The following P3H2 variants were observed in gnomAD, a reference collection of about 807,000 sequenced individuals.
P3H2 encodes the protein prolyl 3-hydroxylase 2.
Under a neutral mutation model 87.0 loss-of-function variants are expected in P3H2, and 80 were observed. That is an observed-to-expected ratio of 0.92 (90% CI 0.77 to 1.11). The LOEUF is 1.11. Among genes scored for constraint, P3H2 ranks in the 50% least tolerant of loss-of-function variants. The pLI is 0.00. For synonymous variants in P3H2, 367 were observed against 359.3 expected, an observed-to-expected ratio of 1.02 and a Z score of -0.24; for missense variants, 1,001 against 923.9, an observed-to-expected ratio of 1.08 and a Z score of -1.08.
intron 1 of P3H2, among the ~76,000 whole-genome samples, chr3:190,014,063 T>G (rs1199680899): frequency 1.3e-5 from 2 of 152,156 alleles, no homozygotes; most frequent in Non-Finnish European, 2.9e-5. Context: ...AATAGTTGAT[T>G]TATGAGAAGT....
In P3H2 at chr3:190,021,515, A is replaced by T. The variant is rs936348032; in HGVS notation, c.481-26073T>A. Among the ~76,000 whole-genome samples, 4 of 134,888 alleles carry T rather than the reference A, an allele frequency of 3.0e-5. 1 individual carries two copies. The highest frequency in any genetic ancestry group is 7.7e-5 in the African/African-American group (3 of 39,090). 88.5% of individuals were successfully genotyped at this position (134,888 alleles called of 152,430 possible). ...TTTTTCTTTTATAATTTCCTTTTTT[A>T]AAAAAGTAACTTTCTCTTCTCTCCA... On this transcript the variant is annotated intron_variant, in intron 1 of 14. Coordinates refer to ENST00000319332, the MANE Select transcript of P3H2 (RefSeq NM_018192.4).
chr3:189,994,160 C>T lies in P3H2; in HGVS notation c.757G>A (p.Gly253Arg). The stretch of plus-strand genomic sequence containing the variant: ...TCATATTCTTCAAATCTCTGAGGCC[C>T]CTCACATAGGGTCCGGCATTCTGTA... The part of the protein sequence containing the change: ...EDTECRTLCE[G>R]PQRFEEYEYL... The change falls in exon 3 of 15, where the codon GGG (glycine) becomes AGG (arginine). Residue 253 changes from glycine (G) to arginine (R), a missense_variant. Coordinates refer to ENST00000319332, the MANE Select transcript of P3H2 (RefSeq NM_018192.4). 2 of 1,613,744 alleles carry T rather than the reference C, an allele frequency of 1.2e-6. No individual in the cohort carries two copies. Among genetic ancestry groups the T allele is most frequent in the Non-Finnish European group, 1.7e-6 (2 of 1,179,828 alleles).
intron 1 of P3H2, among the ~76,000 whole-genome samples, chr3:190,030,982 A>G: frequency 6.6e-6 from 1 of 152,206 alleles, no homozygotes; most frequent in East Asian, 1.9e-4. Context: ...TATAATTCGT[A>G]GTGAATGCTT....
Position 189,987,477 on chromosome 3 carries a change from C to G in P3H2, c.1098+50G>C, listed in dbSNP as rs763117822. The G allele has an allele frequency of 7.5e-6, 10 of 1,329,566 alleles. No homozygotes were observed. The South Asian group carries it at 1.3e-4, about 17-fold the overall frequency. 82.4% of individuals were successfully genotyped at this position (1,329,566 alleles called of 1,614,324 possible). A position where few individuals can be genotyped will look rare whatever the true frequency, so the allele number is the denominator to read the frequency against. On this transcript the variant is annotated intron_variant, in intron 5 of 14. Coordinates refer to ENST00000319332, the MANE Select transcript of P3H2 (RefSeq NM_018192.4). ...CTGGGCAACAAGAGCGAAACTCTGT[C>G]TTAAAAAAAAAAAAAAAAAAAGAAT... is the stretch of plus-strand genomic sequence containing the variant.
chr3:190,019,046 AAT>A (rs1724854717), intron 1 of P3H2, among the ~76,000 whole-genome samples: 1 of 152,194 alleles, frequency 6.6e-6, no homozygotes, highest in African/African-American at 2.4e-5. Context: ...AACACATATG[AAT>A]ATGTTTTGAC....
intron 10 of P3H2, among the ~76,000 whole-genome samples, chr3:189,973,511 C>CTTTTTTTTTTTTTTTTTTTTTTTTTTTTT (rs869099221): frequency 2.8e-5 from 1 of 35,462 alleles, no homozygotes; most frequent in African/African-American, 9.7e-5. Flanking sequence ...TTCTTTCTTT[C>CTTTTTTTTTTTTTTTTTTTTTTTTTTTTT]TTTTTTTTTT....
intron 8 of P3H2, among the ~76,000 whole-genome samples, chr3:189,977,896 C>T (rs533819990): frequency 1.3e-5 from 2 of 152,274 alleles, no homozygotes; most frequent in Admixed American, 6.5e-5. Flanking sequence ...AGGCATGAGC[C>T]ACCACGCCCA....
chr3:190,090,844 T>C lies in P3H2; in HGVS notation c.480+29408A>G, dbSNP rs188490067. Among the ~76,000 whole-genome samples, 678 of 152,130 alleles carry C rather than the reference T, an allele frequency of 4.5e-3. 3 individuals carry two copies. Among genetic ancestry groups the C allele is most frequent in the Non-Finnish European group, 7.9e-3 (540 of 67,990 alleles). On this transcript the variant is annotated intron_variant, in intron 1 of 14. Coordinates refer to ENST00000319332, the MANE Select transcript of P3H2 (RefSeq NM_018192.4). The stretch of plus-strand genomic sequence containing the variant: ...GGAGAGCCCCACCCCATTTCCTCTG[T>C]GTGGAATGTTTTACTCCTTTGCAAG...
At chr3:189,966,940 C>T (rs1309892301) in intron 13 of P3H2, among the ~76,000 whole-genome samples, 3 of 152,194 alleles carry the variant, frequency 2.0e-5, no homozygotes, top group East Asian at 1.9e-4. Flanking sequence ...TACACAACTT[C>T]CAGATTTTTC....
chr3:190,095,893 C>T (rs942140194), intron 1 of P3H2, among the ~76,000 whole-genome samples: 6 of 152,030 alleles, frequency 3.9e-5, no homozygotes, highest in Admixed American at 6.6e-5. Flanking sequence ...TGAGCCACCG[C>T]GCCCGGCCAA....
chr3:190,065,825 T>C (rs1333988375), intron 1 of P3H2, among the ~76,000 whole-genome samples: 1 of 152,142 alleles, frequency 6.6e-6, no homozygotes, highest in Non-Finnish European at 1.5e-5. Context: ...GAAACACTTT[T>C]TGATGTGGAC....
At chr3:190,040,287 T>C (rs1029938859) in intron 1 of P3H2, among the ~76,000 whole-genome samples, 3 of 152,148 alleles carry the variant, frequency 2.0e-5, no homozygotes, top group Non-Finnish European at 4.4e-5. Context: ...ATTTAAACAG[T>C]TTTTATTGGG....
Position 190,052,689 on chromosome 3 carries a change from GTA to G in P3H2, c.481-57249_481-57248del, listed in dbSNP as rs112938637. Among the ~76,000 whole-genome samples the G allele has an allele frequency of 2.6e-3, 388 of 148,068 alleles. 1 individual carries two copies. In the East Asian group the frequency reaches 0.03, roughly 12 times the overall value. On this transcript the variant is annotated intron_variant, in intron 1 of 14. Coordinates refer to ENST00000319332, the MANE Select transcript of P3H2 (RefSeq NM_018192.4). ...TATATACATATAAATGTGTGTGTGT[GTA>G]TATATATATATATATGCATGTGTGT...
Position 190,115,398 on chromosome 3 carries a change from C to G in P3H2, c.480+4854G>C, listed in dbSNP as rs556529242. Reference sequence around the variant, plus strand: ...AATAAATAAACAGCATTTTTTTTTCCTTTTTTTAAATGGTTGGGAAAAGTG... The same window carrying G: ...AATAAATAAACAGCATTTTTTTTTCGTTTTTTTAAATGGTTGGGAAAAGTG... On this transcript the variant is annotated intron_variant, in intron 1 of 14. Coordinates refer to ENST00000319332, the MANE Select transcript of P3H2 (RefSeq NM_018192.4). Among the ~76,000 whole-genome samples the G allele has an allele frequency of 6.2e-5, 9 of 145,958 alleles. No homozygotes were observed. In the South Asian group the frequency reaches 2.0e-3, roughly 32 times the overall value.
At chr3:190,045,914 G>A (rs763766045) in intron 1 of P3H2, among the ~76,000 whole-genome samples, 1 of 152,238 alleles carries the variant, frequency 6.6e-6, no homozygotes, top group African/African-American at 2.4e-5. Context: ...GAGGTCAGGA[G>A]ATCGAGACCA....
chr3:189,961,216 C>T (rs1231036657), intron 14 of P3H2, among the ~76,000 whole-genome samples: 1 of 152,184 alleles, frequency 6.6e-6, no homozygotes, highest in Admixed American at 6.5e-5. Flanking sequence ...GCTAGGATTA[C>T]AGGACTGAGC....
At chr3:190,043,208 C>T (rs113053726) in intron 1 of P3H2, among the ~76,000 whole-genome samples, 180 of 152,134 alleles carry the variant, frequency 1.2e-3, no homozygotes, top group African/African-American at 4.2e-3. Context: ...TATCATATTC[C>T]TAATTATAGT....
chr3:190,045,416 C>T (rs1163579049), intron 1 of P3H2, among the ~76,000 whole-genome samples: 2 of 152,174 alleles, frequency 1.3e-5, no homozygotes, highest in Non-Finnish European at 2.9e-5. Flanking sequence ...TTCAAATTTT[C>T]TTCTTCCCAT....
At chr3:189,973,551 C>A (rs1399557040) in intron 10 of P3H2, among the ~76,000 whole-genome samples, 2 of 124,904 alleles carry the variant, frequency 1.6e-5, no homozygotes, top group African/African-American at 6.3e-5. Context: ...GACGGAGTCT[C>A]GCTCTCGCCC....
Sources: gnomAD v4.1 joint callset for allele counts (sites outside exome capture counted in the v4.1 genomes callset) on GRCh38, gnomAD v4.1.1 for gene constraint, MANE v1.5 for transcripts, NCBI Gene and HGNC (gene_info 2026-07-23, HGNC 2026-07-21) for gene names.